ARL6: variants seen among roughly 807,000 people sequenced by gnomAD.
The protein encoded by ARL6 is ARF like GTPase 6.
Under a neutral mutation model 27.1 loss-of-function variants are expected in ARL6, and 18 were observed. The ratio of observed to expected loss-of-function variants is 0.66; its 90% CI spans 0.46 to 0.98. The LOEUF (loss-of-function observed/expected upper bound fraction) is 0.98. Ranked by LOEUF, ARL6 falls within the 50% of genes least tolerant of loss-of-function variation. The pLI is 0.00. For missense variants in ARL6, 187 were observed against 214.9 expected, an observed-to-expected ratio of 0.87 and a Z score of 0.81; for synonymous variants, 65 against 72.3, an observed-to-expected ratio of 0.90 and a Z score of 0.51.
At chr3:97,796,900 T>G (rs548033129) in intron 7 of ARL6, among the ~76,000 whole-genome samples, 1 of 152,312 alleles carries the variant, frequency 6.6e-6, no homozygotes, top group Non-Finnish European at 1.5e-5. Context: ...CATCTTCAGC[T>G]ATATGGTATC....
chr3:97,798,130 G>A lies in ARL6; in HGVS notation c.*81G>A. Reference sequence around the variant, plus strand: ...AAATAGAATACATTTTGTAAAAGATGTTTATGCATCAAAAAATATAATTTT... The same window carrying A: ...AAATAGAATACATTTTGTAAAAGATATTTATGCATCAAAAAATATAATTTT... On this transcript the variant is annotated 3_prime_UTR_variant, in exon 8 of 8. Coordinates refer to ENST00000463745, the MANE Select transcript of ARL6 (RefSeq NM_001278293.3). 2 of 1,377,056 alleles carry A rather than the reference G, an allele frequency of 1.5e-6. No individual in the cohort carries two copies. The highest frequency in any genetic ancestry group is 2.4e-5 in the South Asian group (2 of 83,560). 85.3% of individuals were successfully genotyped at this position (1,377,056 alleles called of 1,614,324 possible). A position where few individuals can be genotyped will look rare whatever the true frequency, so the allele number is the denominator to read the frequency against.
chr3:97,765,770 C>G (rs2036349179), intron 1 of ARL6, among the ~76,000 whole-genome samples: 1 of 152,212 alleles, frequency 6.6e-6, no homozygotes, highest in Non-Finnish European at 1.5e-5. Flanking sequence ...GGTTGAGAAT[C>G]ATGGCTATCA....
intron 6 of ARL6, 44 bp from the exon 7 acceptor site, chr3:97,791,727 G>A: frequency 6.4e-7 from 1 of 1,559,178 alleles, no homozygotes; most frequent in Non-Finnish European, 8.8e-7. Context: ...TTATAGTTTT[G>A]TGATGTAATG....
chr3:97,769,024 G>A (rs2036519088), intron 2 of ARL6, among the ~76,000 whole-genome samples: 1 of 151,920 alleles, frequency 6.6e-6, no homozygotes, highest in African/African-American at 2.4e-5. Flanking sequence ...TCCACTACTA[G>A]AACATTATTT....
chr3:97,772,406 CT>C (rs958618764), intron 2 of ARL6, among the ~76,000 whole-genome samples: 7 of 150,734 alleles, frequency 4.6e-5, no homozygotes, highest in African/African-American at 1.2e-4. Context: ...TTTGGATCCT[CT>C]TTTTTTTTCC....
At chr3:97,785,111 T>C in intron 5 of ARL6, 62 bp downstream of exon 5, 2 of 1,346,764 alleles carry the variant, frequency 1.5e-6, no homozygotes, top group Non-Finnish European at 2.1e-6. Context: ...TAATGTTTTG[T>C]TCTTTGGGTA....
chr3:97,798,255 G>T lies in ARL6; in HGVS notation c.*206G>T. 1.8e-6 allele frequency: 1 copy of T among 549,678 alleles called. No homozygotes were observed. The highest frequency in any genetic ancestry group is 2.6e-5 in the South Asian group (1 of 38,842). 34.1% of individuals were successfully genotyped at this position (549,678 alleles called of 1,614,324 possible). A position where few individuals can be genotyped will look rare whatever the true frequency, so the allele number is the denominator to read the frequency against. ...TAAAAACTAAATATTCCCTCAAAAG[G>T]GCTCCCTAGAATTATCAAGTTCTTA... is the stretch of plus-strand genomic sequence containing the variant. On this transcript the variant is annotated 3_prime_UTR_variant, in exon 8 of 8. Coordinates refer to ENST00000463745, the MANE Select transcript of ARL6 (RefSeq NM_001278293.3).
At chr3:97,770,712 G>A (rs1329712659) in intron 2 of ARL6, among the ~76,000 whole-genome samples, 1 of 151,942 alleles carries the variant, frequency 6.6e-6, no homozygotes, top group African/African-American at 2.4e-5. Context: ...GTATATGGTG[G>A]GAGATAGGGG....
At chr3:97,782,027 G>A (rs919407448) in intron 4 of ARL6, among the ~76,000 whole-genome samples, 2 of 151,798 alleles carry the variant, frequency 1.3e-5, no homozygotes, top group Non-Finnish European at 2.9e-5. Context: ...TATTTAAATC[G>A]TAGGTCCAGA....
At chr3:97,791,934 C>T in intron 7 of ARL6, 108 bp downstream of exon 7, 2 of 989,072 alleles carry the variant, frequency 2.0e-6, no homozygotes, top group Non-Finnish European at 1.5e-6. Context: ...TTCCTCTTTC[C>T]ATTTATTTCT....
chr3:97,777,559 A>G (rs2036972846), intron 2 of ARL6, among the ~76,000 whole-genome samples: 1 of 152,062 alleles, frequency 6.6e-6, no homozygotes, highest in African/African-American at 2.4e-5. Flanking sequence ...TCTTTTTTAA[A>G]TTATTATTTT....
intron 1 of ARL6, 49 bp downstream of exon 1, chr3:97,765,026 G>C (rs2036300116): frequency 6.6e-6 from 1 of 152,192 alleles, no homozygotes; most frequent in Non-Finnish European, 1.5e-5. Context: ...CTCTGTCCCC[G>C]TCAGTTTTAG....
intron 2 of ARL6, among the ~76,000 whole-genome samples, chr3:97,773,749 A>G (rs1388226005): frequency 6.6e-6 from 1 of 152,260 alleles, no homozygotes; most frequent in Non-Finnish European, 1.5e-5. Context: ...TTTTTAACAA[A>G]AGGAGGAAAT....
At chr3:97,786,849 A>C (rs1298978755) in intron 5 of ARL6, among the ~76,000 whole-genome samples, 1 of 152,212 alleles carries the variant, frequency 6.6e-6, no homozygotes, top group African/African-American at 2.4e-5. Flanking sequence ...AATATATGGA[A>C]AGATTCTTGG....
intron 5 of ARL6, among the ~76,000 whole-genome samples, chr3:97,786,874 A>T (rs1361115608): frequency 6.6e-6 from 1 of 152,218 alleles, no homozygotes; most frequent in Admixed American, 6.5e-5. Flanking sequence ...TCTATTACCT[A>T]TGATATGGAA....
chr3:97,793,618 G>A (rs939350462), intron 7 of ARL6, among the ~76,000 whole-genome samples: 5 of 152,140 alleles, frequency 3.3e-5, no homozygotes, highest in East Asian at 1.9e-4. Context: ...GCCACTAGGT[G>A]TCAGTAGCAA....
chr3:97,788,532 T>G (rs2037570802), intron 6 of ARL6, among the ~76,000 whole-genome samples: 1 of 152,138 alleles, frequency 6.6e-6, no homozygotes, highest in African/African-American at 2.4e-5. Flanking sequence ...CTGCTTTTTT[T>G]TTTGTTTATA....
intron 7 of ARL6, 26 bp from the exon 8 acceptor site, chr3:97,797,998 A>C (rs368594271): frequency 6.2e-7 from 1 of 1,610,354 alleles, no homozygotes; most frequent in Non-Finnish European, 8.5e-7. Flanking sequence ...AGAGATTGAT[A>C]ATTTTTGTTT....
intron 2 of ARL6, among the ~76,000 whole-genome samples, chr3:97,770,293 C>T (rs973550168): frequency 6.6e-6 from 1 of 151,934 alleles, no homozygotes; most frequent in South Asian, 2.1e-4. Context: ...TAATGATGAG[C>T]ATTTTTTTCA....
Sources: gnomAD v4.1 joint callset for allele counts (sites outside exome capture counted in the v4.1 genomes callset) on GRCh38, gnomAD v4.1.1 for gene constraint, MANE v1.5 for transcripts, NCBI Gene and HGNC (gene_info 2026-07-23, HGNC 2026-07-21) for gene names.